Variants in MACF1 observed in about 807,000 individuals in gnomAD.
MACF1 encodes the protein microtubule actin crosslinking factor 1, also known as microtubule-actin cross-linking factor 1.
Under a neutral mutation model 854.8 loss-of-function variants are expected in MACF1, and 193 were observed. That is an observed-to-expected ratio of 0.23 (90% CI 0.20 to 0.25). The LOEUF (loss-of-function observed/expected upper bound fraction) is 0.25. Among genes scored for constraint, MACF1 ranks in the 10% least tolerant of loss-of-function variants. MACF1 has a pLI of 1.00. For synonymous variants in MACF1, 3,185 were observed against 3,226.7 expected (o/e 0.99, Z 0.44); for missense variants, 7,722 against 8,929.1 (o/e 0.86, Z 5.45).
intron 2 of MACF1, among the ~76,000 whole-genome samples, chr1:39,157,988 G>A (rs1230529187): frequency 3.3e-5 from 5 of 152,208 alleles, no homozygotes; most frequent in Admixed American, 2.6e-4. Context: ...TACTTTCAAA[G>A]ATGAGTCTAA....
chr1:39,442,816 T>C lies in MACF1; in HGVS notation c.19207T>C (p.Leu6403=), dbSNP rs1310577727. 6.2e-7 allele frequency: 1 copy of C among 1,613,940 alleles called. No homozygotes were observed. The highest frequency in any genetic ancestry group is 1.3e-5 in the African/African-American group (1 of 74,890). ...CAGTGCTGGAGATGATGCCAGCAGCTTAAGGAGCCGTTTGGAAGCCATGAA... is the reference window on the plus strand; with the variant it reads ...CAGTGCTGGAGATGATGCCAGCAGCCTAAGGAGCCGTTTGGAAGCCATGAA... ...ESSAGDDASS[L]RSRLEAMNQC... is the part of the protein sequence containing the mutation. Residue 6403 remains leucine (L), a synonymous_variant, in exon 78 of 101, where the codon TTA becomes CTA. Transcript: ENST00000564288.
chr1:39,452,859 G>A, intron 87 of MACF1, 47 bp downstream of exon 87: 1 of 1,598,680 alleles, frequency 6.3e-7, no homozygotes, highest in Non-Finnish European at 8.5e-7. Context: ...CTACCACCTT[G>A]AGGGCTGCCT....
At chr1:39,393,213 A>ATATATATG (rs1642125071) in intron 58 of MACF1, among the ~76,000 whole-genome samples, 1 of 139,604 alleles carries the variant, frequency 7.2e-6, no homozygotes. Flanking sequence ...ATATATATAT[A>ATATATATG]TATATATATA....
chr1:39,456,497 T>A (rs1031715677), intron 89 of MACF1, among the ~76,000 whole-genome samples: 3 of 152,232 alleles, frequency 2.0e-5, no homozygotes, highest in Non-Finnish European at 4.4e-5. Flanking sequence ...AGCTACGATG[T>A]TCCATAGTTT....
chr1:39,249,782 G>T, intron 2 of MACF1: 1 of 367,670 alleles, frequency 2.7e-6, no homozygotes, highest in Non-Finnish European at 4.9e-6. Context: ...ATGTTGGTTA[G>T]AGTGTGTAAT....
chr1:39,460,716 G>C lies in MACF1; in HGVS notation c.21445G>C (p.Asp7149His). The stretch of plus-strand genomic sequence containing the variant: ...GAATCACAAAAAGTCTCGAGTGATG[G>C]ATTTCTTCCGGCGCATTGATAAGGA... ...WMNHKKSRVM[D>H]FFRRIDKDQD... Residue 7149 changes from aspartate to histidine, a missense_variant, in exon 92 of 101, where the codon GAT becomes CAT. This residue lies in a region of MACF1 where 153 missense variants were observed against 342.5 expected (regional missense o/e 0.45). Coordinates refer to ENST00000564288, the MANE Select transcript of MACF1 (RefSeq NM_001394062.1). This position sits in a 1 kb window ranked among gnomAD's most constrained non-coding sequence, Gnocchi z 4.1. 6.2e-7 allele frequency: 1 copy of C among 1,614,204 alleles called. No individual in the cohort carries two copies. Among genetic ancestry groups the C allele is most frequent in the Non-Finnish European group, 8.5e-7 (1 of 1,180,020 alleles).
intron 11 of MACF1, 119 bp from the exon 12 acceptor site, chr1:39,284,964 A>T (rs553886049): frequency 7.5e-7 from 1 of 1,341,214 alleles, no homozygotes; most frequent in East Asian, 2.3e-5. Flanking sequence ...CATGTTAGAC[A>T]ATAGGAAAAA....
In MACF1 at chr1:39,331,346, C is replaced by T. The variant is rs770139295; in HGVS notation, c.4758C>T (p.Ala1586=). 1.9e-6 allele frequency: 3 copies of T among 1,613,964 alleles called. No individual in the cohort carries two copies. The highest frequency in any genetic ancestry group is 3.3e-5 in the Admixed American group (2 of 60,008). ...AGGTTATCATGTCTGGCCTCATTGC[C>T]CCTGAGACGGGTGAAAACCTCTCTT... ...ESQVIMSGLI[A]PETGENLSLE... is the part of the protein sequence containing the mutation. The change falls in exon 37 of 101, where the codon GCC becomes GCT. Residue 1586 remains alanine (A), a synonymous_variant. Transcript: ENST00000564288.
chr1:39,176,689 T>C (rs184879466), intron 2 of MACF1, among the ~76,000 whole-genome samples: 22 of 152,106 alleles, frequency 1.4e-4, no homozygotes, highest in Admixed American at 4.6e-4. Flanking sequence ...TTTAGATCAA[T>C]AGGTTTTTAG....
At chr1:39,098,646 G>A (rs948083551) in intron 2 of MACF1, among the ~76,000 whole-genome samples, 2 of 152,190 alleles carry the variant, frequency 1.3e-5, no homozygotes, top group African/African-American at 4.8e-5. Context: ...GACGAGCCAC[G>A]GGAGAGGCCT....
At chr1:39,131,789 GA>G (rs1316842928) in intron 2 of MACF1, among the ~76,000 whole-genome samples, 2 of 152,158 alleles carry the variant, frequency 1.3e-5, no homozygotes, top group Non-Finnish European at 2.9e-5. Context: ...GTTTCCTAAG[GA>G]TTTAAAATTT....
At chr1:39,467,762 C>G (rs1191799473) in intron 95 of MACF1, 1 of 152,212 alleles carries the variant, frequency 6.6e-6, no homozygotes, top group Non-Finnish European at 1.5e-5. Context: ...GCTGGTGACA[C>G]TGCAATTAGC....
chr1:39,223,058 G>A (rs1644673049), intron 1 of MACF1, among the ~76,000 whole-genome samples: 2 of 152,300 alleles, frequency 1.3e-5, no homozygotes, highest in East Asian at 3.9e-4. Context: ...ACACAAACTA[G>A]TGTGTGTAAG....
At chr1:39,226,565 G>C (rs1445662999) in intron 1 of MACF1, among the ~76,000 whole-genome samples, 1 of 151,826 alleles carries the variant, frequency 6.6e-6, no homozygotes, top group Admixed American at 6.6e-5. Context: ...GGTCTCGAAC[G>C]CCTGACCTCG....
chr1:39,233,775 CT>C (rs11286953), intron 2 of MACF1, among the ~76,000 whole-genome samples: 5,422 of 36,800 alleles, frequency 0.15, 295 homozygotes, highest in African/African-American at 0.29. Context: ...CTAGCCATAG[CT>C]TTTTTTTTTT....
intron 56 of MACF1, 111 bp downstream of exon 56, chr1:39,382,263 T>A (rs1650290250): frequency 9.6e-7 from 1 of 1,044,196 alleles, no homozygotes; most frequent in East Asian, 2.6e-5. Flanking sequence ...TCTCTCAGAG[T>A]CTCAGTTTAA....
At chr1:39,142,144 T>C (rs2148185809) in intron 2 of MACF1, among the ~76,000 whole-genome samples, 1 of 152,298 alleles carries the variant, frequency 6.6e-6, no homozygotes, top group Middle Eastern at 3.4e-3. Flanking sequence ...CCTCACATAG[T>C]TTTGATTCTT....
chr1:39,429,094 C>T (rs1643815978), intron 63 of MACF1, 148 bp from the exon 64 acceptor site: 2 of 531,132 alleles, frequency 3.8e-6, no homozygotes, highest in Non-Finnish European at 6.8e-6. Context: ...ATGGGCTAAC[C>T]AAGGAGAAGA....
chr1:39,380,171 A>C, intron 54 of MACF1, 73 bp from the exon 55 acceptor site: 1 of 1,513,176 alleles, frequency 6.6e-7, no homozygotes, highest in South Asian at 1.2e-5. Context: ...CAGTTTTCCA[A>C]TCATTTCTAC....
Sources: allele counts gnomAD v4.1 joint callset (sites outside exome capture counted in the v4.1 genomes callset), GRCh38; gene constraint gnomAD v4.1.1; regional missense constraint gnomAD v4.1.1; non-coding constraint Gnocchi (gnomAD v3.1); transcripts MANE v1.5; gene names NCBI Gene and HGNC (gene_info 2026-07-23, HGNC 2026-07-21).